The following BEST3 variants were observed in gnomAD, a reference collection of about 807,000 sequenced individuals.
BEST3 encodes bestrophin-3.
BEST3 carries 50 observed loss-of-function variants against 47.1 expected under a neutral mutation model. That is an observed-to-expected ratio of 1.06 (90% CI 0.85 to 1.34). BEST3 has a LOEUF of 1.34. BEST3 is among the 40% of genes most tolerant of loss of function. The pLI, the probability that BEST3 is intolerant of heterozygous loss-of-function variation, is 0.00. For synonymous variants in BEST3, 282 were observed against 298.8 expected, an observed-to-expected ratio of 0.94 and a Z score of 0.58; for missense variants, 765 against 817.0, an observed-to-expected ratio of 0.94 and a Z score of 0.78.
At chr12:69,679,881 C>G (rs1885137378) in intron 4 of BEST3, among the ~76,000 whole-genome samples, 1 of 146,470 alleles carries the variant, frequency 6.8e-6, no homozygotes, top group Admixed American at 6.8e-5. Context: ...AAAAGGGTTT[C>G]TTGGTGTGTG....
intron 9 of BEST3, among the ~76,000 whole-genome samples, chr12:69,645,993 G>A (rs1461301539): frequency 1.3e-5 from 2 of 152,188 alleles, no homozygotes; most frequent in African/African-American, 4.8e-5. Context: ...CTGGAGTGCT[G>A]TGGCATGATC....
intron 4 of BEST3, among the ~76,000 whole-genome samples, chr12:69,680,310 C>CTTTT (rs1555207049): frequency 3.2e-5 from 3 of 95,032 alleles, no homozygotes; most frequent in Non-Finnish European, 6.0e-5. Flanking sequence ...TACACTTGAT[C>CTTTT]TTTTTTTTTT....
At chr12:69,663,646 TA>T (rs1884003026) in intron 9 of BEST3, among the ~76,000 whole-genome samples, 1 of 151,992 alleles carries the variant, frequency 6.6e-6, no homozygotes, top group African/African-American at 2.4e-5. Flanking sequence ...GTGGGTAACA[TA>T]GCCAGATCTT....
chr12:69,661,519 T>C (rs1349324994), intron 9 of BEST3: 1 of 152,164 alleles, frequency 6.6e-6, no homozygotes, highest in African/African-American at 2.4e-5. Flanking sequence ...TGGAGAAGCA[T>C]TTTTTTCATG....
At chr12:69,673,068 T>C in intron 7 of BEST3, 103 bp from the exon 8 acceptor site, 1 of 851,038 alleles carries the variant, frequency 1.2e-6, no homozygotes, top group Non-Finnish European at 1.9e-6. Flanking sequence ...TTGTGTGACT[T>C]TCTAATACGA....
At chr12:69,655,934 T>G (rs1486300128) in intron 9 of BEST3, 121 bp from the exon 10 acceptor site, 2 of 1,416,234 alleles carry the variant, frequency 1.4e-6, no homozygotes, top group Admixed American at 2.7e-5. Flanking sequence ...TAAATGGGGG[T>G]TTGAGGACTT....
At chr12:69,671,116 T>G (rs1884541958) in intron 9 of BEST3, among the ~76,000 whole-genome samples, 1 of 152,186 alleles carries the variant, frequency 6.6e-6, no homozygotes, top group Non-Finnish European at 1.5e-5. Context: ...CAGTGATCTA[T>G]CTGTTCATTT....
At chr12:69,681,685 G>A (rs1207207040) in intron 4 of BEST3, among the ~76,000 whole-genome samples, 1 of 152,090 alleles carries the variant, frequency 6.6e-6, no homozygotes, top group Non-Finnish European at 1.5e-5. Flanking sequence ...ATTAAATATG[G>A]AGAGGCCTGG....
At chr12:69,691,205 T>TA (rs1383310872) in intron 4 of BEST3, among the ~76,000 whole-genome samples, 1 of 152,222 alleles carries the variant, frequency 6.6e-6, no homozygotes, top group Non-Finnish European at 1.5e-5. Flanking sequence ...ATGCAGCACT[T>TA]ACTGTGTGCC....
At chr12:69,650,387 A>T (rs1883171131), downstream of BEST3, among the ~76,000 whole-genome samples, 1 of 152,232 alleles carries the variant, frequency 6.6e-6, no homozygotes, top group African/African-American at 2.4e-5. Flanking sequence ...GAACTAAAAA[A>T]ACAAAAAAGC....
chr12:69,645,797 G>GT (rs11417415), intron 9 of BEST3, among the ~76,000 whole-genome samples: 85,353 of 151,890 alleles, frequency 0.56, 25,324 homozygotes, highest in East Asian at 0.75. Context: ...CCCAATAGTT[G>GT]TAACCCTCCC....
chr12:69,651,726 G>A (rs1226091121), downstream of BEST3, among the ~76,000 whole-genome samples: 2 of 146,962 alleles, frequency 1.4e-5, no homozygotes, highest in Non-Finnish European at 3.0e-5. Context: ...AGTGAGCAGA[G>A]ATTGTGCCAC....
chr12:69,653,448 T>C (rs1200794641), downstream of BEST3, among the ~76,000 whole-genome samples: 4 of 152,214 alleles, frequency 2.6e-5, no homozygotes, highest in Non-Finnish European at 5.9e-5. Context: ...CAGATAAACC[T>C]GGGTTTGAAG....
intron 9 of BEST3, among the ~76,000 whole-genome samples, chr12:69,667,371 T>C (rs916003113): frequency 1.3e-5 from 2 of 152,168 alleles, no homozygotes; most frequent in Admixed American, 6.5e-5. Context: ...CTCGGTTCAC[T>C]GCAACCTCCT....
At chr12:69,679,002 A>G (rs1220748329) in intron 4 of BEST3, 109 bp from the exon 5 acceptor site, 1 of 921,366 alleles carries the variant, frequency 1.1e-6, no homozygotes, top group East Asian at 2.6e-5. Flanking sequence ...TATTAAAGAA[A>G]TATGGAATAA....
At position 69,654,038 on chromosome 12, in the gene BEST3, CG is replaced by C. The variant is rs1389702650; in HGVS notation, c.*868del. 5.9e-5 allele frequency: 58 copies of C among 985,372 alleles called. No homozygotes were observed. The highest frequency in any genetic ancestry group is 5.2e-4 in the Middle Eastern group (1 of 1,914). 61.0% of individuals were successfully genotyped at this position (985,372 alleles called of 1,614,324 possible). Reference sequence around the variant, plus strand: ...AGAAATGTCAATGGCTGCAAGGGCACGGGGGGAACCATCACTCCTATATGCC... The same window carrying C: ...AGAAATGTCAATGGCTGCAAGGGCACGGGGGAACCATCACTCCTATATGCC... On this transcript the variant is annotated 3_prime_UTR_variant, in exon 10 of 10. Coordinates refer to ENST00000330891, the MANE Select transcript of BEST3 (RefSeq NM_032735.3).
At chr12:69,651,350 C>T (rs566885125), downstream of BEST3, among the ~76,000 whole-genome samples, 34 of 152,230 alleles carry the variant, frequency 2.2e-4, no homozygotes, top group Admixed American at 4.6e-4. Flanking sequence ...TTCAGAAGAA[C>T]GCAGACTTGT....
At chr12:69,666,853 C>T (rs368848825) in intron 9 of BEST3, among the ~76,000 whole-genome samples, 208 of 152,258 alleles carry the variant, frequency 1.4e-3, no homozygotes, top group African/African-American at 4.5e-3. Context: ...GGTTTATTAC[C>T]GTTCTTCACT....
chr12:69,670,750 C>T (rs1385279080), intron 9 of BEST3, among the ~76,000 whole-genome samples: 2 of 150,946 alleles, frequency 1.3e-5, no homozygotes, highest in African/African-American at 4.9e-5. Flanking sequence ...AAAGTTTCCC[C>T]TTTTGCTACA....
Sources: gnomAD v4.1 joint callset for allele counts (sites outside exome capture counted in the v4.1 genomes callset) on GRCh38, gnomAD v4.1.1 for gene constraint, MANE v1.5 for transcripts, NCBI Gene and HGNC (gene_info 2026-07-23, HGNC 2026-07-21) for gene names.